The following ATP2B1 variants were observed in gnomAD, a reference collection of about 807,000 sequenced individuals.
ATP2B1 encodes the protein plasma membrane calcium-transporting ATPase 1.
ATP2B1 carries 14 observed loss-of-function variants against 124.2 expected under a neutral mutation model. That is an observed-to-expected ratio of 0.11 (90% confidence interval 0.07 to 0.18). ATP2B1 has a LOEUF of 0.18. ATP2B1 is among the 10% of genes least tolerant of loss of function. ATP2B1 has a pLI of 1.00. For missense variants in ATP2B1, 763 were observed against 1,466.1 expected, an observed-to-expected ratio of 0.52 and a Z score of 7.83; for synonymous variants, 449 against 492.4, an observed-to-expected ratio of 0.91 and a Z score of 1.17.
At chr12:89,663,273 CCTT>C (rs1886910435) in intron 1 of ATP2B1, among the ~76,000 whole-genome samples, 1 of 152,110 alleles carries the variant, frequency 6.6e-6, no homozygotes, top group Non-Finnish European at 1.5e-5. Flanking sequence ...TTATAGCTTT[CCTT>C]TAAATCCTTT....
chr12:89,682,527 G>T (rs563459572), intron 1 of ATP2B1, among the ~76,000 whole-genome samples: 9 of 152,138 alleles, frequency 5.9e-5, no homozygotes, highest in Non-Finnish European at 1.2e-4. Context: ...GACTGAAATA[G>T]AAAGTCCAGA....
chr12:89,669,624 T>A lies in ATP2B1; in HGVS notation c.-221-13517A>T, dbSNP rs545753043. ...AATTACCATATGAACTATCTTAGAA[T>A]CATCCCAATGTCTTAGAGCTAGGGC... On this transcript the variant is annotated intron_variant, in intron 1 of 20. Coordinates refer to ENST00000428670, the MANE Select transcript of ATP2B1 (RefSeq NM_001366521.1). Among the ~76,000 whole-genome samples, 58 of 152,310 alleles carry A rather than the reference T, an allele frequency of 3.8e-4. No individual in the cohort carries two copies. The South Asian group carries it at 0.012, about 31-fold the overall frequency.
chr12:89,619,904 ATGT>A, intron 11 of ATP2B1, 92 bp downstream of exon 11: 9 of 1,476,462 alleles, frequency 6.1e-6, no homozygotes, highest in Non-Finnish European at 8.2e-6. Flanking sequence ...CAAATGCCTG[ATGT>A]TCACAAAAAG....
intron 1 of ATP2B1, among the ~76,000 whole-genome samples, chr12:89,674,500 C>T (rs1283865695): frequency 1.3e-5 from 2 of 152,088 alleles, no homozygotes; most frequent in Non-Finnish European, 2.9e-5. Flanking sequence ...TGGCTTGCTG[C>T]CAAATCTAAA....
At chr12:89,703,795 C>G (rs552025871) in intron 1 of ATP2B1, among the ~76,000 whole-genome samples, 7 of 152,066 alleles carry the variant, frequency 4.6e-5, no homozygotes, top group Admixed American at 2.0e-4. Flanking sequence ...TCGACATCAA[C>G]AAATCAAACT....
chr12:89,611,368 G>A lies in ATP2B1; in HGVS notation c.2072C>T (p.Pro691Leu). ...GIEDPVRPEV[P>L]DAIKKCQRAG... ...CCTCTGACACTTTTTAATTGCATCTGGCACCTGGTTTACATTAAAAAAAAA... is the reference window on the plus strand; with the variant it reads ...CCTCTGACACTTTTTAATTGCATCTAGCACCTGGTTTACATTAAAAAAAAA... The change falls in exon 13 of 21, where the codon CCA (proline) becomes CTA (leucine). Residue 691 changes from proline (P) to leucine (L), a missense_variant. Transcript: ENST00000428670. 6.6e-7 allele frequency: 1 copy of A among 1,506,102 alleles called. No homozygotes were observed. Among genetic ancestry groups the A allele is most frequent in the Non-Finnish European group, 8.9e-7 (1 of 1,129,590 alleles). 93.3% of individuals were successfully genotyped at this position (1,506,102 alleles called of 1,614,324 possible). A position where few individuals can be genotyped will look rare whatever the true frequency, so the allele number is the denominator to read the frequency against.
Position 89,625,935 on chromosome 12 carries a change from C to T in ATP2B1, c.1129+519G>A, listed in dbSNP as rs76486987. On this transcript the variant is annotated intron_variant, in intron 8 of 20. Transcript: ENST00000428670. The stretch of plus-strand genomic sequence containing the variant: ...AAAGATGCTACCGCTGGAGGTCATG[C>T]TGTTTCTAACCTCAGAGCTCTGCTT... Among the ~76,000 whole-genome samples the T allele has an allele frequency of 8.2e-3, 1,254 of 152,306 alleles. 17 individuals carry two copies. The highest frequency in any genetic ancestry group is 0.029 in the African/African-American group (1,200 of 41,552).
At position 89,621,675 on chromosome 12, in the gene ATP2B1, G is replaced by A. The variant is rs200972065; in HGVS notation, c.1461C>T (p.Val487=). ...TGTLTMNRMT[V]VQAYINEKHY... ...GTTTTTCATTTATGTAAGCTTGAAC[G>A]ACTGTCATTCTGTTCATTGTCAAAG... Residue 487 remains valine, a synonymous_variant, in exon 10 of 21, where the codon GTC becomes GTT. Transcript: ENST00000428670. 4.7e-5 allele frequency: 75 copies of A among 1,611,502 alleles called. 1 individual carries two copies. Among genetic ancestry groups the A allele is most frequent in the Admixed American group, 2.0e-4 (12 of 59,870 alleles).
At chr12:89,617,179 CTT>C (rs1879102372) in intron 11 of ATP2B1, 140 bp from the exon 12 acceptor site, 1 of 667,520 alleles carries the variant, frequency 1.5e-6, no homozygotes, top group African/African-American at 1.8e-5. Flanking sequence ...TTTTTATAGA[CTT>C]AAATTCACTT....
At chr12:89,598,039 CAAA>C (rs10661138) in intron 20 of ATP2B1, among the ~76,000 whole-genome samples, 4 of 60,526 alleles carry the variant, frequency 6.6e-5, no homozygotes, top group Non-Finnish European at 1.1e-4. Context: ...CACAACCAAG[CAAA>C]AAAAAAAAAA....
Position 89,591,302 on chromosome 12 carries a change from A to G in ATP2B1, c.3352-7T>C, listed in dbSNP as rs746568307. The G allele has an allele frequency of 1.6e-5, 26 of 1,596,850 alleles. No individual in the cohort carries two copies. The highest frequency in any genetic ancestry group is 1.8e-4 in the Middle Eastern group (1 of 5,676). Reference sequence around the variant, plus strand: ...ATGCATTCACCACTCGAATCTGTAAATATCAGAAAATACAGAAATATGTCA... The same window carrying G: ...ATGCATTCACCACTCGAATCTGTAAGTATCAGAAAATACAGAAATATGTCA... On this transcript the variant is annotated splice_region_variant and splice_polypyrimidine_tract_variant and intron_variant, in intron 20 of 20. Coordinates refer to ENST00000428670, the MANE Select transcript of ATP2B1 (RefSeq NM_001366521.1).
At chr12:89,601,304 CA>C (rs1285841292) in intron 19 of ATP2B1, 21 bp downstream of exon 19, 2 of 1,483,766 alleles carry the variant, frequency 1.3e-6, no homozygotes, top group South Asian at 1.3e-5. Flanking sequence ...TAGGTTTAAA[CA>C]AAAACTGATG....
At chr12:89,626,966 T>C (rs781110971) in intron 7 of ATP2B1, among the ~76,000 whole-genome samples, 5 of 152,186 alleles carry the variant, frequency 3.3e-5, no homozygotes, top group Non-Finnish European at 4.4e-5. Flanking sequence ...ATGTAGAGAT[T>C]ATGTATAACC....
At chr12:89,600,945 G>A (rs1325115980) in intron 19 of ATP2B1, among the ~76,000 whole-genome samples, 1 of 151,960 alleles carries the variant, frequency 6.6e-6, no homozygotes, top group East Asian at 1.9e-4. Context: ...CACCGCACCC[G>A]GCCATGTATT....
At position 89,624,239 on chromosome 12, in the gene ATP2B1, C is replaced by T; in HGVS notation, c.1288G>A (p.Ala430Thr). The change falls in exon 9 of 21, where the codon GCA becomes ACA. Residue 430 changes from alanine (A) to threonine (T), a missense_variant. Transcript: ENST00000428670. The part of the protein sequence containing the change: ...FIIGVTVLVV[A>T]VPEGLPLAVT... ...GCAAGTGGAAGACCTTCTGGCACTGCGACCACTAAAACTGTAACTCCAATA... is the reference window on the plus strand; with the variant it reads ...GCAAGTGGAAGACCTTCTGGCACTGTGACCACTAAAACTGTAACTCCAATA... 1 of 1,614,096 alleles carries T rather than the reference C, an allele frequency of 6.2e-7. No homozygotes were observed. Among genetic ancestry groups the T allele is most frequent in the Non-Finnish European group, 8.5e-7 (1 of 1,180,002 alleles).
intron 6 of ATP2B1, among the ~76,000 whole-genome samples, chr12:89,630,098 C>G (rs1881600924): frequency 6.6e-6 from 1 of 152,028 alleles, no homozygotes; most frequent in South Asian, 2.1e-4. Flanking sequence ...GTTCAAAAAC[C>G]AAGCACATTA....
chr12:89,635,069 T>C lies in ATP2B1; in HGVS notation c.589A>G (p.Ile197Val), dbSNP rs1882475433. Residue 197 changes from isoleucine to valine, a missense_variant, in exon 4 of 21, where the codon ATC becomes GTC. By Grantham distance (29) the Ile-to-Val change is conservative. Around this residue, in one of 7 missense-constraint regions of ATP2B1, gnomAD observed 392 missense variants for 776.6 expected, o/e 0.50. Transcript: ENST00000428670. ...ATCTGAATGACCTGACCACCCCTGA[T>C]GACAGTGAACTTCTGTTCTTGTTCA... ...RIEQEQKFTV[I>V]RGGQVIQIPV... is the part of the protein sequence containing the mutation. The C allele has an allele frequency of 5.6e-6, 9 of 1,613,914 alleles. No individual in the cohort carries two copies. Among genetic ancestry groups the C allele is most frequent in the Non-Finnish European group, 7.6e-6 (9 of 1,179,920 alleles).
chr12:89,595,357 GA>G (rs71448761), intron 20 of ATP2B1, among the ~76,000 whole-genome samples: 5 of 149,728 alleles, frequency 3.3e-5, no homozygotes, highest in African/African-American at 9.8e-5. Flanking sequence ...ATTTATTCAG[GA>G]AAAAAAAATC....
chr12:89,643,239 T>C (rs1883923874), intron 2 of ATP2B1, among the ~76,000 whole-genome samples: 1 of 151,240 alleles, frequency 6.6e-6, no homozygotes, highest in Non-Finnish European at 1.5e-5. Context: ...CGTATATATA[T>C]GTATATATAC....
Sources: allele counts gnomAD v4.1 joint callset (sites outside exome capture counted in the v4.1 genomes callset), GRCh38; gene constraint gnomAD v4.1.1; regional missense constraint gnomAD v4.1.1; transcripts MANE v1.5; gene names NCBI Gene and HGNC (gene_info 2026-07-23, HGNC 2026-07-21).